CLVS1: variants seen among roughly 807,000 people sequenced by gnomAD.
The protein encoded by CLVS1 is clavesin-1.
A neutral mutation model predicts 33.1 loss-of-function variants in CLVS1; 10 were observed. That is an observed-to-expected ratio of 0.30 (90% CI 0.19 to 0.51). The LOEUF (loss-of-function observed/expected upper bound fraction) is 0.51. CLVS1 is among the 20% of genes least tolerant of loss of function. The pLI is 0.97. For synonymous variants in CLVS1, 163 were observed against 166.1 expected (o/e 0.98, Z 0.14); for missense variants, 343 against 433.4 (o/e 0.79, Z 1.85).
At chr8:61,009,611 A>G in the CLVS1 span, among the ~76,000 whole-genome samples, 1 of 152,084 alleles carries the variant, frequency 6.6e-6, no homozygotes, top group African/African-American at 2.4e-5. Flanking sequence ...GCAGTTGCCA[A>G]TTGTGTTTTT....
intron 2 of CLVS1, among the ~76,000 whole-genome samples, chr8:61,322,465 C>A (rs1388126330): frequency 6.6e-6 from 1 of 152,170 alleles, no homozygotes; most frequent in Non-Finnish European, 1.5e-5. Context: ...CATCTCTCTC[C>A]TGCACAACTG....
intron 2 of CLVS1, among the ~76,000 whole-genome samples, chr8:61,345,863 T>C (rs920770815): frequency 6.6e-6 from 1 of 151,884 alleles, no homozygotes; most frequent in Non-Finnish European, 1.5e-5. Context: ...GCTGGCAGGA[T>C]CCCTTGGGGA....
intron 2 of CLVS1, among the ~76,000 whole-genome samples, chr8:61,227,143 G>A (rs1441580804): frequency 6.6e-6 from 1 of 152,132 alleles, no homozygotes; most frequent in Non-Finnish European, 1.5e-5. Context: ...ATGTTTGCAT[G>A]TGTCCTTAGC....
chr8:61,037,204 G>C, the CLVS1 span, among the ~76,000 whole-genome samples: 1 of 152,096 alleles, frequency 6.6e-6, no homozygotes, highest in Non-Finnish European at 1.5e-5. Flanking sequence ...GTTCAGCTCA[G>C]CTCAATGGTC....
chr8:61,442,670 G>T (rs1198973532), intron 3 of CLVS1, among the ~76,000 whole-genome samples: 2 of 152,070 alleles, frequency 1.3e-5, no homozygotes, highest in East Asian at 3.9e-4. Flanking sequence ...CGCGATCTTG[G>T]CTCACCACAA....
intron 5 of CLVS1, among the ~76,000 whole-genome samples, chr8:61,483,168 A>G (rs1204375975): frequency 6.6e-6 from 1 of 152,184 alleles, no homozygotes; most frequent in Non-Finnish European, 1.5e-5. Flanking sequence ...TTTTTTGAAA[A>G]GATCAACAAA....
intron 3 of CLVS1, among the ~76,000 whole-genome samples, chr8:61,437,472 A>ATGTATACT (rs1816373659): frequency 6.6e-6 from 1 of 152,222 alleles, no homozygotes; most frequent in Non-Finnish European, 1.5e-5. Flanking sequence ...TGGAGAAGCA[A>ATGTATACT]TGTATACTTA....
chr8:60,999,847 G>C, the CLVS1 span, among the ~76,000 whole-genome samples: 19 of 152,220 alleles, frequency 1.2e-4, no homozygotes, highest in Non-Finnish European at 4.4e-5. Context: ...GTGCTGATGG[G>C]TGGGAGGGAG....
intron 2 of CLVS1, among the ~76,000 whole-genome samples, chr8:61,146,702 A>G (rs533195781): frequency 6.6e-6 from 1 of 152,394 alleles, no homozygotes; most frequent in African/African-American, 2.4e-5. Flanking sequence ...AAAGAAGAAC[A>G]GGACAAATGG....
At chr8:61,409,616 G>A (rs1472934175) in intron 3 of CLVS1, among the ~76,000 whole-genome samples, 1 of 152,148 alleles carries the variant, frequency 6.6e-6, no homozygotes. Flanking sequence ...GTGAATGTTT[G>A]TTCATAACAT....
At chr8:61,456,151 A>G (rs1817148082) in intron 4 of CLVS1, among the ~76,000 whole-genome samples, 1 of 152,056 alleles carries the variant, frequency 6.6e-6, no homozygotes, top group African/African-American at 2.4e-5. Flanking sequence ...GCATTTTTGG[A>G]GCTTTGGGCA....
chr8:61,489,102 A>T (rs1476217706), intron 5 of CLVS1, among the ~76,000 whole-genome samples: 1 of 152,162 alleles, frequency 6.6e-6, no homozygotes, highest in Non-Finnish European at 1.5e-5. Flanking sequence ...CGATTCTATA[A>T]CCTATACATT....
intron 2 of CLVS1, among the ~76,000 whole-genome samples, chr8:61,162,725 T>C (rs1414032956): frequency 6.6e-6 from 1 of 152,240 alleles, no homozygotes; most frequent in Non-Finnish European, 1.5e-5. Context: ...TCTATCTTTC[T>C]GTGTTGTTTG....
chr8:61,314,912 C>T (rs1178634712), intron 2 of CLVS1, among the ~76,000 whole-genome samples: 1 of 152,164 alleles, frequency 6.6e-6, no homozygotes, highest in Non-Finnish European at 1.5e-5. Context: ...AGGTGAGAAA[C>T]CATGGGGAAT....
At chr8:60,978,284 G>A in the CLVS1 span, among the ~76,000 whole-genome samples, 231 of 152,298 alleles carry the variant, frequency 1.5e-3, no homozygotes, top group Non-Finnish European at 2.5e-3. Flanking sequence ...GATATGGTAT[G>A]TATCTTCTTT....
chr8:61,370,359 C>T (rs1813382972), intron 2 of CLVS1: 1 of 151,994 alleles, frequency 6.6e-6, no homozygotes, highest in South Asian at 2.1e-4. Flanking sequence ...CCCCTCCTAT[C>T]CTTCCCCCCA....
intron 2 of CLVS1, among the ~76,000 whole-genome samples, chr8:61,327,836 G>A (rs939048912): frequency 6.6e-6 from 1 of 152,156 alleles, no homozygotes; most frequent in African/African-American, 2.4e-5. Context: ...GCAACAGACT[G>A]TGCAGTGGCC....
intron 2 of CLVS1, among the ~76,000 whole-genome samples, chr8:61,348,343 A>AG (rs1224789844): frequency 1.3e-5 from 1 of 74,830 alleles, no homozygotes; most frequent in Non-Finnish European, 2.8e-5. Context: ...GAGTGGGGGG[A>AG]GGGGGGAGGG....
At chr8:60,977,158 A>C in the CLVS1 span, among the ~76,000 whole-genome samples, 5 of 152,230 alleles carry the variant, frequency 3.3e-5, no homozygotes, top group African/African-American at 1.2e-4. Context: ...AAAGTTCAAA[A>C]TGGTTGACCC....
Sources: gnomAD v4.1 joint callset for allele counts (sites outside exome capture counted in the v4.1 genomes callset) on GRCh38, gnomAD v4.1.1 for gene constraint, MANE v1.5 for transcripts, NCBI Gene and HGNC (gene_info 2026-07-23, HGNC 2026-07-21) for gene names.